Variants in SH3D19 observed in about 807,000 individuals in gnomAD.
SH3D19 encodes the protein SH3 domain-containing protein 19.
Under a neutral mutation model 112.1 loss-of-function variants are expected in SH3D19, and 58 were observed. The observed-to-expected ratio is 0.52, with a 90% confidence interval of 0.42 to 0.64. SH3D19 has a LOEUF of 0.64. SH3D19 is among the 30% of genes least tolerant of loss of function. The pLI is 0.00. For synonymous variants in SH3D19, 391 were observed against 448.5 expected, an observed-to-expected ratio of 0.87 and a Z score of 1.62; for missense variants, 1,090 against 1,263.4, an observed-to-expected ratio of 0.86 and a Z score of 2.08.
At position 151,273,815 on chromosome 4, in the gene SH3D19, T is replaced by C. The variant is rs1328415157; in HGVS notation, c.113-47729A>G. On this transcript the variant is annotated intron_variant, in intron 1 of 19. Coordinates refer to ENST00000604030, the MANE Select transcript of SH3D19 (RefSeq NM_001378122.1). ...GAGGTCTGACCTTTTAAAAGAACTA[T>C]ATTAAGTGAGTTAACTCAATAGCTA... Among the ~76,000 whole-genome samples the C allele has an allele frequency of 2.6e-5, 4 of 152,250 alleles. No individual in the cohort carries two copies. In the South Asian group the frequency reaches 6.2e-4, roughly 24 times the overall value.
At chr4:151,165,444 A>T in intron 8 of SH3D19, 145 bp downstream of exon 8, 1 of 624,810 alleles carries the variant, frequency 1.6e-6, no homozygotes, top group East Asian at 2.9e-5. Flanking sequence ...TTCTTCGAAG[A>T]ATTGTGAAAA....
chr4:151,283,487 T>C (rs1354228928), intron 1 of SH3D19, among the ~76,000 whole-genome samples: 1 of 149,576 alleles, frequency 6.7e-6, no homozygotes, highest in Non-Finnish European at 1.5e-5. Context: ...TCTAGACCAA[T>C]ACTAACGACT....
At chr4:151,214,460 G>A (rs1482022325) in intron 2 of SH3D19, among the ~76,000 whole-genome samples, 1 of 42,146 alleles carries the variant, frequency 2.4e-5, no homozygotes, top group Non-Finnish European at 1.5e-4. Context: ...CGGGCGGGGG[G>A]CTGACCCCCC....
intron 2 of SH3D19, among the ~76,000 whole-genome samples, chr4:151,204,408 A>G (rs552570804): frequency 6.6e-6 from 1 of 152,338 alleles, no homozygotes; most frequent in Non-Finnish European, 1.5e-5. Flanking sequence ...CTAACTCTTA[A>G]TAGGGTTTAC....
At chr4:151,240,941 A>C (rs7681030) in intron 1 of SH3D19, among the ~76,000 whole-genome samples, 125,320 of 151,764 alleles carry the variant, frequency 0.83, 53,786 homozygotes, top group Non-Finnish European at 0.95. Context: ...AATGGAATGT[A>C]ATTTAGCAAG....
At chr4:151,313,624 C>A (rs1279492391) in intron 1 of SH3D19, among the ~76,000 whole-genome samples, 1 of 152,024 alleles carries the variant, frequency 6.6e-6, no homozygotes, top group African/African-American at 2.4e-5. Context: ...TGCTTTGTTG[C>A]CCAGGCTGTG....
chr4:151,216,183 A>G (rs917905955), intron 2 of SH3D19, among the ~76,000 whole-genome samples: 4 of 152,198 alleles, frequency 2.6e-5, no homozygotes, highest in African/African-American at 9.7e-5. Flanking sequence ...GTTTACTTTT[A>G]ATGAGACAGG....
At chr4:151,138,459 G>C (rs1447418174) in intron 13 of SH3D19, among the ~76,000 whole-genome samples, 1 of 152,040 alleles carries the variant, frequency 6.6e-6, no homozygotes, top group Non-Finnish European at 1.5e-5. Context: ...AGCACTTTAA[G>C]AAGCTAAGGT....
At chr4:151,206,094 C>T (rs1445542601) in intron 2 of SH3D19, among the ~76,000 whole-genome samples, 1 of 152,190 alleles carries the variant, frequency 6.6e-6, no homozygotes, top group African/African-American at 2.4e-5. Context: ...TTTCACTGAA[C>T]ATCCCATGGC....
At chr4:151,208,661 T>G (rs1271271534) in intron 2 of SH3D19, among the ~76,000 whole-genome samples, 1 of 148,928 alleles carries the variant, frequency 6.7e-6, no homozygotes, top group Non-Finnish European at 1.5e-5. Flanking sequence ...TGCACCACTG[T>G]GCCCGGCCCC....
chr4:151,124,473 C>G (rs1050917242), intron 19 of SH3D19, among the ~76,000 whole-genome samples: 4 of 150,236 alleles, frequency 2.7e-5, no homozygotes, highest in African/African-American at 9.8e-5. Context: ...AATCCTAACA[C>G]TTTGGGAGGC....
chr4:151,148,644 G>A (rs1423867716), intron 10 of SH3D19, among the ~76,000 whole-genome samples: 1 of 152,148 alleles, frequency 6.6e-6, no homozygotes, highest in African/African-American at 2.4e-5. Flanking sequence ...CATGTTATAG[G>A]TGTTACTATT....
intron 7 of SH3D19, among the ~76,000 whole-genome samples, chr4:151,167,335 AGAAAT>A (rs1758214796): frequency 6.6e-6 from 1 of 151,904 alleles, no homozygotes; most frequent in Non-Finnish European, 1.5e-5. Flanking sequence ...TTTACTTCAC[AGAAAT>A]ATTTGTTGTA....
chr4:151,210,401 ATTT>A (rs34777650), intron 2 of SH3D19, among the ~76,000 whole-genome samples: 8 of 136,754 alleles, frequency 5.8e-5, no homozygotes, highest in African/African-American at 1.7e-4. Context: ...TATCATCCCA[ATTT>A]TTTTTTTTTT....
intron 1 of SH3D19, among the ~76,000 whole-genome samples, chr4:151,284,857 T>C (rs901763510): frequency 6.6e-6 from 1 of 152,180 alleles, no homozygotes; most frequent in Non-Finnish European, 1.5e-5. Flanking sequence ...GCTTGGAGTC[T>C]AACCTGCACA....
At chr4:151,146,218 T>G (rs1753884770) in intron 11 of SH3D19, among the ~76,000 whole-genome samples, 1 of 152,238 alleles carries the variant, frequency 6.6e-6, no homozygotes, top group African/African-American at 2.4e-5. Flanking sequence ...ATAGAATTAT[T>G]AATTGCTGTT....
chr4:151,139,431 C>T (rs1018724683), intron 13 of SH3D19, among the ~76,000 whole-genome samples: 2 of 152,096 alleles, frequency 1.3e-5, no homozygotes, highest in Admixed American at 6.6e-5. Context: ...GGATTACAGG[C>T]GTGAGCCACT....
intron 17 of SH3D19, among the ~76,000 whole-genome samples, 162 bp from the exon 18 acceptor site, chr4:151,128,518 T>C (rs1453323970): frequency 1.3e-5 from 2 of 152,216 alleles, no homozygotes; most frequent in South Asian, 2.1e-4. Context: ...GCTATCAAGT[T>C]TCAGAAGTAA....
chr4:151,265,570 T>TTTTCTTTTC (rs752221090), intron 1 of SH3D19, among the ~76,000 whole-genome samples: 4 of 111,786 alleles, frequency 3.6e-5, no homozygotes, highest in Admixed American at 9.1e-5. Context: ...ATTTCTTTTC[T>TTTTCTTTTC]TTTTTTTTTT....
Sources: allele counts gnomAD v4.1 joint callset (sites outside exome capture counted in the v4.1 genomes callset), GRCh38; gene constraint gnomAD v4.1.1; transcripts MANE v1.5; gene names NCBI Gene and HGNC (gene_info 2026-07-23, HGNC 2026-07-21).